ESRRG: variants seen among roughly 807,000 people sequenced by gnomAD.
ESRRG encodes the protein estrogen related receptor gamma.
ESRRG carries 13 observed loss-of-function variants against 44.0 expected under a neutral mutation model. That is an observed-to-expected ratio of 0.30 (90% CI 0.19 to 0.47). The LOEUF (loss-of-function observed/expected upper bound fraction) is 0.47. Ranked by LOEUF, ESRRG falls within the 20% of genes least tolerant of loss-of-function variation. ESRRG has a pLI of 1.00. For synonymous variants in ESRRG, 215 were observed against 214.6 expected (o/e 1.00, Z -0.02); for missense variants, 395 against 580.6 (o/e 0.68, Z 3.29).
At chr1:216,810,097 A>T (rs2094921337) in intron 2 of ESRRG, among the ~76,000 whole-genome samples, 1 of 152,126 alleles carries the variant, frequency 6.6e-6, no homozygotes, top group Non-Finnish European at 1.5e-5. Context: ...AGGAGCTCTT[A>T]GAATCTTTTA....
intron 1 of ESRRG, chr1:216,681,789 A>G (rs2077077208): frequency 2.6e-5 from 1 of 38,312 alleles, no homozygotes; most frequent in Admixed American, 3.0e-4. Context: ...GAAAGAAAGA[A>G]TAAGAATTAA....
intron 1 of ESRRG, among the ~76,000 whole-genome samples, chr1:216,721,879 C>T (rs769186287): frequency 6.6e-6 from 1 of 151,990 alleles, no homozygotes; most frequent in Non-Finnish European, 1.5e-5. Flanking sequence ...TTGTTTCTTC[C>T]CTTGAGTGTT....
At chr1:217,108,858 G>A (rs1394451075) in intron 1 of ESRRG, among the ~76,000 whole-genome samples, 1 of 152,054 alleles carries the variant, frequency 6.6e-6, no homozygotes, top group Non-Finnish European at 1.5e-5. Flanking sequence ...TTACAGCAAT[G>A]CAAGAACGGC....
chr1:216,718,859 T>C (rs1372364883), intron 1 of ESRRG, among the ~76,000 whole-genome samples: 1 of 152,018 alleles, frequency 6.6e-6, no homozygotes, highest in Admixed American at 6.6e-5. Flanking sequence ...TCTAAAGTTC[T>C]ACTGAGATCC....
chr1:216,710,935 G>A (rs1056800793), intron 1 of ESRRG, among the ~76,000 whole-genome samples: 7 of 152,216 alleles, frequency 4.6e-5, no homozygotes, highest in Non-Finnish European at 8.8e-5. Context: ...ACCAGGCAGA[G>A]GCATTCGCTC....
chr1:216,902,718 C>T (rs1289824436), intron 2 of ESRRG, among the ~76,000 whole-genome samples: 1 of 152,176 alleles, frequency 6.6e-6, no homozygotes, highest in Non-Finnish European at 1.5e-5. Context: ...TTTGAAATGG[C>T]TATGCAGCTC....
intron 6 of ESRRG, among the ~76,000 whole-genome samples, chr1:216,516,715 G>A (rs1054760666): frequency 2.0e-5 from 3 of 147,312 alleles, no homozygotes; most frequent in African/African-American, 7.5e-5. Flanking sequence ...CCTTTAGGGT[G>A]TCTAAAGTAT....
intron 1 of ESRRG, among the ~76,000 whole-genome samples, chr1:216,702,776 CAAA>C (rs5780911): frequency 5.3e-5 from 5 of 95,116 alleles, no homozygotes; most frequent in Non-Finnish European, 4.3e-5. Flanking sequence ...GACTCTGCCT[CAAA>C]AAAAAAAAAA....
chr1:216,964,881 T>C (rs2576211), intron 1 of ESRRG, among the ~76,000 whole-genome samples: 78,125 of 152,058 alleles, frequency 0.51, 21,876 homozygotes, highest in Middle Eastern at 0.7. Flanking sequence ...TGAATCTTCA[T>C]AGCCTCATTA....
At chr1:216,575,174 G>A (rs377026800) in intron 3 of ESRRG, among the ~76,000 whole-genome samples, 1 of 152,180 alleles carries the variant, frequency 6.6e-6, no homozygotes, top group South Asian at 2.1e-4. Flanking sequence ...AGGCTTCTCA[G>A]TAAGAGGAGT....
intron 1 of ESRRG, among the ~76,000 whole-genome samples, chr1:217,037,061 A>G (rs1483777995): frequency 2.0e-5 from 3 of 152,162 alleles, no homozygotes; most frequent in African/African-American, 4.8e-5. Flanking sequence ...CAAATGGTAA[A>G]GGACTGACAA....
At chr1:216,722,004 T>TAC (rs1180036829) in intron 1 of ESRRG, among the ~76,000 whole-genome samples, 4 of 152,110 alleles carry the variant, frequency 2.6e-5, no homozygotes, top group African/African-American at 9.7e-5. Flanking sequence ...TGAGCGTGCA[T>TAC]ACACACACAC....
At chr1:217,061,257 G>A (rs1037105463) in intron 1 of ESRRG, among the ~76,000 whole-genome samples, 1 of 151,984 alleles carries the variant, frequency 6.6e-6, no homozygotes, top group Non-Finnish European at 1.5e-5. Context: ...CCCTATTACC[G>A]AAGCATTACC....
At chr1:216,946,138 C>A (rs1405197992) in intron 1 of ESRRG, among the ~76,000 whole-genome samples, 2 of 152,144 alleles carry the variant, frequency 1.3e-5, no homozygotes, top group East Asian at 3.9e-4. Flanking sequence ...GTAAAATAAA[C>A]CAGTACTAAC....
intron 5 of ESRRG, among the ~76,000 whole-genome samples, chr1:216,549,274 A>C (rs2055522376): frequency 6.6e-6 from 1 of 152,152 alleles, no homozygotes; most frequent in African/African-American, 2.4e-5. Context: ...AAATACCGTA[A>C]GATCAGTGAT....
At chr1:216,810,280 T>C (rs973547669) in intron 2 of ESRRG, among the ~76,000 whole-genome samples, 3 of 152,164 alleles carry the variant, frequency 2.0e-5, no homozygotes, top group African/African-American at 7.2e-5. Context: ...ATGCCATCTA[T>C]TCCTTTTGCT....
intron 1 of ESRRG, among the ~76,000 whole-genome samples, chr1:216,712,003 T>A (rs1433627983): frequency 1.3e-5 from 2 of 152,200 alleles, no homozygotes; most frequent in African/African-American, 2.4e-5. Flanking sequence ...TTCAAAAAAG[T>A]CTGATGTTTC....
chr1:216,567,324 G>C (rs544398646), intron 4 of ESRRG, among the ~76,000 whole-genome samples: 2 of 152,104 alleles, frequency 1.3e-5, no homozygotes, highest in Non-Finnish European at 1.5e-5. Context: ...AAAGAATGGG[G>C]CTTGCATTTT....
chr1:216,854,318 C>CTGG (rs2095886264), intron 2 of ESRRG, among the ~76,000 whole-genome samples: 2 of 132,588 alleles, frequency 1.5e-5, no homozygotes, highest in Middle Eastern at 5.7e-3. Flanking sequence ...GATCGCACCA[C>CTGG]TGCACTCCAG....
Sources: gnomAD v4.1 joint callset for allele counts (sites outside exome capture counted in the v4.1 genomes callset) on GRCh38, gnomAD v4.1.1 for gene constraint, MANE v1.5 for transcripts, NCBI Gene and HGNC (gene_info 2026-07-23, HGNC 2026-07-21) for gene names.